The following PHACTR3 variants were observed in gnomAD, a reference collection of about 807,000 sequenced individuals.
PHACTR3 encodes the protein phosphatase and actin regulator 3.
PHACTR3 carries 16 observed loss-of-function variants against 66.8 expected under a neutral mutation model. The observed-to-expected ratio is 0.24, with a 90% CI of 0.16 to 0.36. The LOEUF is 0.36. PHACTR3 is among the 10% of genes least tolerant of loss of function. The probability of loss-of-function intolerance (pLI) is 1.00; values close to 1 mark genes in which losing one functional copy is unlikely to be tolerated. For missense variants in PHACTR3, 647 were observed against 719.9 expected (o/e 0.90, Z 1.16); for synonymous variants, 323 against 292.1 (o/e 1.11, Z -1.08).
intron 1 of PHACTR3, among the ~76,000 whole-genome samples, chr20:59,719,801 T>G (rs2038226390): frequency 6.6e-6 from 1 of 152,172 alleles, no homozygotes; most frequent in South Asian, 2.1e-4. Context: ...GTTAACATTA[T>G]TGTTGCCCCG....
chr20:59,635,147 C>CTTTCTCTTTCTTTCTTTCCT, intron 1 of PHACTR3, among the ~76,000 whole-genome samples: 2 of 24,282 alleles, frequency 8.2e-5, no homozygotes, highest in African/African-American at 2.9e-4. Context: ...TTCTTTCTTT[C>CTTTCTCTTTCTTTCTTTCCT]TTTTTCTTTC....
chr20:59,675,154 C>T (rs2036412775), intron 1 of PHACTR3, among the ~76,000 whole-genome samples: 1 of 135,712 alleles, frequency 7.4e-6, no homozygotes, highest in Admixed American at 7.3e-5. Flanking sequence ...TATTCTTTTC[C>T]CTCTTCCCTT....
At chr20:59,795,689 T>C (rs2082427069) in intron 7 of PHACTR3, among the ~76,000 whole-genome samples, 1 of 152,134 alleles carries the variant, frequency 6.6e-6, no homozygotes, top group Non-Finnish European at 1.5e-5. Context: ...TTTACAATGG[T>C]AACATCCTCT....
In PHACTR3 at chr20:59,604,649, C is replaced by A; in HGVS notation, c.-366C>A. 1.0e-6 allele frequency: 1 copy of A among 990,866 alleles called. No homozygotes were observed. The highest frequency in any genetic ancestry group is 5.1e-4 in the Middle Eastern group (1 of 1,954). The allele number at this position is 990,866 out of a possible 1,614,324, so 61.4% of individuals were successfully genotyped here. On this transcript the variant is annotated 5_prime_UTR_variant, in exon 1 of 13. Coordinates refer to ENST00000371015, the MANE Select transcript of PHACTR3 (RefSeq NM_080672.5). Reference sequence around the variant, plus strand: ...CCCCCAGACATTCCAGGACATCACCCCCTGCCCCAAGCACGCAATAAACAC... The same window carrying A: ...CCCCCAGACATTCCAGGACATCACCACCTGCCCCAAGCACGCAATAAACAC...
chr20:59,773,307 C>A lies in PHACTR3; in HGVS notation c.780C>A (p.Ser260Arg). ...TGQATLFQAS[S>R]MKSADPSLRG... ...AAGCCACACTCTTCCAAGCCTCCAG[C>A]ATGAAGAGTGCCGACCCTTCCCTCC... Residue 260 changes from serine (S) to arginine (R), a missense_variant, in exon 6 of 13, where the codon AGC becomes AGA. Ser to Arg is a moderately radical substitution (Grantham distance 110). Transcript: ENST00000371015. The A allele has an allele frequency of 6.2e-7, 1 of 1,614,144 alleles. No individual in the cohort carries two copies. Among genetic ancestry groups the A allele is most frequent in the South Asian group, 1.1e-5 (1 of 91,080 alleles).
intron 1 of PHACTR3, among the ~76,000 whole-genome samples, chr20:59,658,857 G>A (rs2035713306): frequency 6.6e-6 from 1 of 151,970 alleles, no homozygotes; most frequent in Non-Finnish European, 1.5e-5. Flanking sequence ...TAGCTGTCTT[G>A]CTCTGATCCT....
rs547083281 is a variant in PHACTR3, at chr20:59,695,007, T to C, written c.119-48100T>C. On this transcript the variant is annotated intron_variant, in intron 1 of 12. Transcript: ENST00000371015. ...GACTGTGAACTCTCTGCAAACTAGATGCTGTGATATGCATTTTCATAATTC... is the reference window on the plus strand; with the variant it reads ...GACTGTGAACTCTCTGCAAACTAGACGCTGTGATATGCATTTTCATAATTC... Among the ~76,000 whole-genome samples, 17 of 152,066 alleles carry C rather than the reference T, an allele frequency of 1.1e-4. No individual in the cohort carries two copies. The East Asian group carries it at 1.4e-3, about 12-fold the overall frequency.
intron 1 of PHACTR3, among the ~76,000 whole-genome samples, chr20:59,625,759 G>A (rs1230496624): frequency 9.2e-5 from 14 of 152,114 alleles, no homozygotes; most frequent in Admixed American, 6.5e-4. Context: ...TCTGTCTTGC[G>A]TGACAGCCCG....
intron 8 of PHACTR3, among the ~76,000 whole-genome samples, chr20:59,818,114 G>T (rs1263987435): frequency 6.6e-6 from 1 of 152,200 alleles, no homozygotes; most frequent in Admixed American, 6.5e-5. Flanking sequence ...GGCCCTCTCA[G>T]CTCCACCCTT....
chr20:59,670,613 G>GCGGGC, intron 1 of PHACTR3, among the ~76,000 whole-genome samples: 1 of 132,746 alleles, frequency 7.5e-6, no homozygotes, highest in East Asian at 2.6e-4. Flanking sequence ...GGTGGGGGGG[G>GCGGGC]GGGGCAGGCA....
chr20:59,785,171 C>G (rs1022431187), intron 7 of PHACTR3, among the ~76,000 whole-genome samples: 1 of 152,142 alleles, frequency 6.6e-6, no homozygotes, highest in East Asian at 1.9e-4. Context: ...TGTTTTCTTA[C>G]CATTCTGGAG....
chr20:59,838,704 C>T (rs1600751621), intron 9 of PHACTR3, among the ~76,000 whole-genome samples: 1 of 152,334 alleles, frequency 6.6e-6, no homozygotes, highest in East Asian at 1.9e-4. Flanking sequence ...AGCAGTAATA[C>T]ATTTCTGGAT....
At chr20:59,818,293 C>G (rs986002583) in intron 8 of PHACTR3, among the ~76,000 whole-genome samples, 2 of 152,154 alleles carry the variant, frequency 1.3e-5, no homozygotes, top group Admixed American at 6.5e-5. Flanking sequence ...CAGAGCCTGT[C>G]TTTTGGGGCC....
chr20:59,676,293 C>A (rs1345898712), intron 1 of PHACTR3, among the ~76,000 whole-genome samples: 1 of 152,242 alleles, frequency 6.6e-6, no homozygotes, highest in Non-Finnish European at 1.5e-5. Flanking sequence ...TTCTGCCAGG[C>A]TCTGGCCAGA....
At chr20:59,824,066 C>T (rs776415267) in intron 8 of PHACTR3, among the ~76,000 whole-genome samples, 5 of 152,288 alleles carry the variant, frequency 3.3e-5, no homozygotes, top group African/African-American at 4.8e-5. Context: ...AAGCCTCAAC[C>T]GGTATCTAAG....
chr20:59,715,012 A>G (rs887297100), intron 1 of PHACTR3, among the ~76,000 whole-genome samples: 6 of 152,196 alleles, frequency 3.9e-5, no homozygotes, highest in African/African-American at 1.4e-4. Flanking sequence ...ATTTTTGTAT[A>G]TGGACTTCCT....
At chr20:59,815,418 G>GTTT (rs538438640) in intron 8 of PHACTR3, among the ~76,000 whole-genome samples, 1,914 of 131,302 alleles carry the variant, frequency 0.015, 59 homozygotes, top group East Asian at 0.058. Flanking sequence ...TGGGGTTCTG[G>GTTT]TTTTTTTTTT....
chr20:59,669,794 G>A (rs769357799), intron 1 of PHACTR3, among the ~76,000 whole-genome samples: 1 of 152,254 alleles, frequency 6.6e-6, no homozygotes, highest in Non-Finnish European at 1.5e-5. Flanking sequence ...GTTGTAGCAT[G>A]TGTCAGCCCT....
At position 59,738,298 on chromosome 20, in the gene PHACTR3, G is replaced by A. The variant is rs780621975; in HGVS notation, c.119-4809G>A. On this transcript the variant is annotated intron_variant, in intron 1 of 12. Transcript: ENST00000371015. The surrounding 1 kb of genome is among the most constrained non-coding windows in gnomAD (Gnocchi z 4.4). Reference sequence around the variant, plus strand: ...CGTCACACTGGCTTCCATGGCACATGGCAAGCACTAATGCACAATAAGGAT... The same window carrying A: ...CGTCACACTGGCTTCCATGGCACATAGCAAGCACTAATGCACAATAAGGAT... 2.0e-5 allele frequency among the ~76,000 whole-genome samples: 3 copies of A among 151,798 alleles called. No individual in the cohort carries two copies. The highest frequency in any genetic ancestry group is 4.4e-5 in the Non-Finnish European group (3 of 67,980).
Sources: allele counts gnomAD v4.1 joint callset (sites outside exome capture counted in the v4.1 genomes callset), GRCh38; gene constraint gnomAD v4.1.1; non-coding constraint Gnocchi (gnomAD v3.1); transcripts MANE v1.5; gene names NCBI Gene and HGNC (gene_info 2026-07-23, HGNC 2026-07-21).